TNK2: variants seen among roughly 807,000 people sequenced by gnomAD.
The protein encoded by TNK2 is activated CDC42 kinase 1.
Under a neutral mutation model 101.8 loss-of-function variants are expected in TNK2, and 83 were observed. The observed-to-expected ratio is 0.82, with a 90% CI of 0.68 to 0.98. The LOEUF is 0.98. Among genes scored for constraint, TNK2 ranks in the 50% least tolerant of loss-of-function variants. The pLI, the probability that TNK2 is intolerant of heterozygous loss-of-function variation, is 0.00. For synonymous variants in TNK2, 804 were observed against 633.0 expected, an observed-to-expected ratio of 1.27 and a Z score of -4.06; for missense variants, 1,665 against 1,483.2, an observed-to-expected ratio of 1.12 and a Z score of -2.01.
chr3:195,871,196 CG>C lies in TNK2; in HGVS notation c.1452-992del, dbSNP rs1486056683. 8.5e-5 allele frequency among the ~76,000 whole-genome samples: 11 copies of C among 128,846 alleles called. No individual in the cohort carries two copies. In the East Asian group the frequency reaches 2.3e-3, roughly 27 times the overall value. The allele number at this position is 128,846 out of a possible 152,430, so 84.5% of individuals were successfully genotyped here. A position where few individuals can be genotyped will look rare whatever the true frequency, so the allele number is the denominator to read the frequency against. On this transcript the variant is annotated intron_variant, in intron 10 of 15. Transcript: ENST00000672887. ...CTTGGAGGCCTGGCGCAAGAAGCTT[CG>C]GGGGGTGGGGGGTGGCATCCCGGAA... is the stretch of plus-strand genomic sequence containing the variant.
At chr3:195,869,423 T>C (rs1743295923) in intron 12 of TNK2, 74 bp downstream of exon 12, 1 of 1,211,862 alleles carries the variant, frequency 8.3e-7, no homozygotes, top group Non-Finnish European at 1.2e-6. Flanking sequence ...GCCCAGGCTC[T>C]GTACCTTCCA....
In TNK2 at chr3:195,867,015, A is replaced by T. The variant is rs1165092572; in HGVS notation, c.3035T>A (p.Val1012Glu). 1 of 1,612,994 alleles carries T rather than the reference A, an allele frequency of 6.2e-7. No homozygotes were observed. Among genetic ancestry groups the T allele is most frequent in the East Asian group, 2.2e-5 (1 of 44,854 alleles). ...CAGACCCAGCCCGAAGAGCTGCTCCACCTGGGGGTAAGGGTGGCGCCATGG... is the reference window on the plus strand; with the variant it reads ...CAGACCCAGCCCGAAGAGCTGCTCCTCCTGGGGGTAAGGGTGGCGCCATGG... ...SVQRAAQYLK[V>E]EQLFGLGLRP... is the part of the protein sequence containing the mutation. Residue 1012 changes from valine (V) to glutamate (E), a missense_variant and splice_region_variant, in exon 15 of 16, where the codon GTG (valine) becomes GAG (glutamate). This residue lies in a region of TNK2 where 1,136 missense variants were observed against 894.9 expected (regional missense o/e 1.27). Coordinates refer to ENST00000672887, the MANE Select transcript of TNK2 (RefSeq NM_001382273.1).
Position 195,878,237 on chromosome 3 carries a change from G to C in TNK2, c.1256+16C>G. The C allele has an allele frequency of 6.2e-7, 1 of 1,613,534 alleles. No individual in the cohort carries two copies. The highest frequency in any genetic ancestry group is 8.5e-7 in the Non-Finnish European group (1 of 1,179,556). On this transcript the variant is annotated intron_variant, in intron 9 of 15. Transcript: ENST00000672887. This position sits in a 1 kb window ranked among gnomAD's most constrained non-coding sequence, Gnocchi z 4.7. The stretch of plus-strand genomic sequence containing the variant: ...TCAAGCGATCCCAGGGCGGGGCCCA[G>C]CCCTGCACTCCCTACCTTCCCTCGA...
rs767579960 is a variant in TNK2 at position 195,867,337 on chromosome 3, C to T, written c.2937+24G>A. 5 of 1,608,438 alleles carry T rather than the reference C, an allele frequency of 3.1e-6. No individual in the cohort carries two copies. The African/African-American group carries it at 4.0e-5, about 13-fold the overall frequency. The stretch of plus-strand genomic sequence containing the variant: ...GCCCCTTGGGCCCTGCCCCGCTTCG[C>T]CCACAGCCAGGCTGGGTGCTCACCA... On this transcript the variant is annotated intron_variant, in intron 13 of 15. Transcript: ENST00000672887.
rs938799414 is a variant in TNK2, at chr3:195,892,269, C to G, written c.-18-3663G>C. 4 of 837,836 alleles carry G rather than the reference C, an allele frequency of 4.8e-6. No individual in the cohort carries two copies. In the Admixed American group the frequency reaches 9.0e-5, roughly 19 times the overall value. 51.9% of individuals were successfully genotyped at this position (837,836 alleles called of 1,614,324 possible). A position where few individuals can be genotyped will look rare whatever the true frequency, so the allele number is the denominator to read the frequency against. On this transcript the variant is annotated intron_variant, in intron 1 of 15. Coordinates refer to ENST00000672887, the MANE Select transcript of TNK2 (RefSeq NM_001382273.1). ...AGGAATGCAGCAGCCGCAGGAGAGG[C>G]CACTTGGCCCGGACTCCCCGTCAAG...
intron 15 of TNK2, 51 bp from the exon 16 acceptor site, chr3:195,864,238 G>A (rs767856863): frequency 6.2e-7 from 1 of 1,612,616 alleles, no homozygotes; most frequent in Non-Finnish European, 8.5e-7. Flanking sequence ...AGAAGGTTCA[G>A]CGGGGCAGGC....
Position 195,886,770 on chromosome 3 carries a change from C to G in TNK2, c.234+207G>C, listed in dbSNP as rs538896255. ...ACCGCACACAGGCTGCTCACGTGTC[C>G]GTATCTGGCGGAGACAGACACTTAG... On this transcript the variant is annotated intron_variant, in intron 3 of 15. Coordinates refer to ENST00000672887, the MANE Select transcript of TNK2 (RefSeq NM_001382273.1). This position sits in a 1 kb window ranked among gnomAD's most constrained non-coding sequence, Gnocchi z 4.2. Among the ~76,000 whole-genome samples, 1 of 152,156 alleles carries G rather than the reference C, an allele frequency of 6.6e-6. No homozygotes were observed. The highest frequency in any genetic ancestry group is 1.5e-5 in the Non-Finnish European group (1 of 68,030).
At chr3:195,890,056 C>T (rs968146803) in intron 1 of TNK2, among the ~76,000 whole-genome samples, 1 of 152,258 alleles carries the variant, frequency 6.6e-6, no homozygotes, top group Non-Finnish European at 1.5e-5. Context: ...CCAGTTCCGA[C>T]TTTTTCAGGC....
chr3:195,876,668 G>A, intron 9 of TNK2: 1 of 455,090 alleles, frequency 2.2e-6, no homozygotes, highest in South Asian at 1.6e-5. Flanking sequence ...CAGGGCTGGT[G>A]GCCCAGGGGG....
intron 10 of TNK2, among the ~76,000 whole-genome samples, chr3:195,871,736 C>T (rs1212973989): frequency 2.6e-5 from 4 of 152,218 alleles, no homozygotes; most frequent in Non-Finnish European, 5.9e-5. Context: ...AGTGGGAAAG[C>T]TTCTCTCAGG....
At chr3:195,876,378 A>G (rs1749268565) in intron 9 of TNK2, 3 of 454,784 alleles carry the variant, frequency 6.6e-6, no homozygotes, top group Non-Finnish European at 1.3e-5. Context: ...CGGCGAAGAG[A>G]AGGCCAGGCT....
chr3:195,892,439 A>T, intron 1 of TNK2: 1 of 1,535,386 alleles, frequency 6.5e-7, no homozygotes, highest in Non-Finnish European at 8.7e-7. Context: ...CAGTCTGGCC[A>T]GGAGAGGGAA....
chr3:195,873,656 C>T (rs1747049806), intron 9 of TNK2, among the ~76,000 whole-genome samples: 1 of 152,210 alleles, frequency 6.6e-6, no homozygotes, highest in Admixed American at 6.5e-5. Flanking sequence ...AAGGGCTCCT[C>T]TGAAACCCAG....
Position 195,867,467 on chromosome 3 carries a change from T to C in TNK2, c.2831A>G (p.Asn944Ser). 1 of 1,583,234 alleles carries C rather than the reference T, an allele frequency of 6.3e-7. No homozygotes were observed. The highest frequency in any genetic ancestry group is 8.5e-7 in the Non-Finnish European group (1 of 1,172,374). Reference protein sequence around the residue: ...PKANFSTNNSNPGARPPPPRA... With the variant: ...PKANFSTNNSSPGARPPPPRA... Reference sequence around the variant, plus strand: ...CGGGGGTGGTGGCCGGGCCCCTGGGTTGCTGTTGTTGGTGGAGAAGTTGGC... The same window carrying C: ...CGGGGGTGGTGGCCGGGCCCCTGGGCTGCTGTTGTTGGTGGAGAAGTTGGC... Residue 944 changes from asparagine (N) to serine (S), a missense_variant, in exon 13 of 16, where the codon AAC (asparagine) becomes AGC (serine). Coordinates refer to ENST00000672887, the MANE Select transcript of TNK2 (RefSeq NM_001382273.1).
intron 9 of TNK2, among the ~76,000 whole-genome samples, chr3:195,874,427 C>G (rs535557972): frequency 1.3e-5 from 2 of 152,340 alleles, no homozygotes; most frequent in Admixed American, 1.3e-4. Context: ...TGACACCACT[C>G]GAGAAAACAT....
rs766212869 is a variant in TNK2, at chr3:195,868,453, C to T, written c.1845G>A (p.Leu615=). The T allele has an allele frequency of 1.3e-6, 2 of 1,561,278 alleles. No individual in the cohort carries two copies. The highest frequency in any genetic ancestry group is 2.3e-5 in the South Asian group (2 of 86,730). ...TGGGGCTCTGAGGCGGGGTCTCGTC[C>T]AGCAGGGAGCAGGCGTCCATGGCCA... ...AQLAMDACSL[L]DETPPQSPTR... The change falls in exon 13 of 16, where the codon CTG becomes CTA. Residue 615 remains leucine, a synonymous_variant. Transcript: ENST00000672887.
intron 2 of TNK2, among the ~76,000 whole-genome samples, chr3:195,887,809 C>T (rs531399071): frequency 6.5e-4 from 97 of 148,662 alleles, no homozygotes; most frequent in Non-Finnish European, 1.1e-3. Flanking sequence ...GTATGCCGTG[C>T]GTGTGCATGC....
intron 2 of TNK2, among the ~76,000 whole-genome samples, chr3:195,887,724 C>T (rs1756338088): frequency 2.6e-5 from 4 of 152,076 alleles, no homozygotes; most frequent in Admixed American, 2.6e-4. Flanking sequence ...TCAGAGCAAA[C>T]CTGTGTGTAT....
chr3:195,899,411 C>T (rs1454287867), intron 1 of TNK2, among the ~76,000 whole-genome samples: 1 of 152,036 alleles, frequency 6.6e-6, no homozygotes, highest in African/African-American at 2.4e-5. Flanking sequence ...ACTGCAACCT[C>T]TGCCTCCCGG....
Sources: allele counts gnomAD v4.1 joint callset (sites outside exome capture counted in the v4.1 genomes callset), GRCh38; gene constraint gnomAD v4.1.1; regional missense constraint gnomAD v4.1.1; non-coding constraint Gnocchi (gnomAD v3.1); transcripts MANE v1.5; gene names NCBI Gene and HGNC (gene_info 2026-07-23, HGNC 2026-07-21).